The following IPCEF1 variants were observed in gnomAD, a reference collection of about 807,000 sequenced individuals.
IPCEF1 encodes interactor protein for cytohesin exchange factors 1.
In IPCEF1, 31 loss-of-function variants were observed where a neutral mutation model predicts 50.9. That is an observed-to-expected ratio of 0.61 (90% confidence interval 0.46 to 0.82). The LOEUF is 0.82. Among genes scored for constraint, IPCEF1 ranks in the 40% least tolerant of loss-of-function variants. The pLI is 0.00. For missense variants in IPCEF1, 458 were observed against 514.0 expected (o/e 0.89, Z 1.05); for synonymous variants, 181 against 192.0 (o/e 0.94, Z 0.47).
At chr6:154,180,442 G>A (rs1396385087) in intron 10 of IPCEF1, among the ~76,000 whole-genome samples, 23 of 144,578 alleles carry the variant, frequency 1.6e-4, no homozygotes, top group African/African-American at 4.2e-4. Flanking sequence ...ATCCTTCTTG[G>A]TGACATTAGC....
chr6:154,312,887 ATT>A (rs1783114477), intron 1 of IPCEF1, among the ~76,000 whole-genome samples: 1 of 151,640 alleles, frequency 6.6e-6, no homozygotes, highest in Non-Finnish European at 1.5e-5. Context: ...GTACAATTTT[ATT>A]TGTCAATTTA....
At chr6:154,188,979 A>G (rs1801625090) in intron 10 of IPCEF1, among the ~76,000 whole-genome samples, 1 of 152,238 alleles carries the variant, frequency 6.6e-6, no homozygotes, top group Non-Finnish European at 1.5e-5. Flanking sequence ...GATAATTTTA[A>G]TCACTTTAAA....
At chr6:154,172,561 CTGGGATGCTGGAG>C (rs1799961917) in intron 10 of IPCEF1, among the ~76,000 whole-genome samples, 4 of 152,354 alleles carry the variant, frequency 2.6e-5, no homozygotes, top group African/African-American at 9.6e-5. Flanking sequence ...TGAGATTGTC[CTGGGATGCTGGAG>C]CTTGGCAAGG....
intron 5 of IPCEF1, among the ~76,000 whole-genome samples, chr6:154,242,411 G>A (rs1000857523): frequency 6.6e-6 from 1 of 152,098 alleles, no homozygotes; most frequent in African/African-American, 2.4e-5. Flanking sequence ...CGTAAATGCC[G>A]AAGATTCTTA....
Position 154,159,779 on chromosome 6 carries a change from G to T in IPCEF1, c.*49C>A. ...AAAATGTAAGCTTTTGCAACATCTT[G>T]AAGAGTTGCTTGTGATAAAATATAA... On this transcript the variant is annotated 3_prime_UTR_variant, in exon 12 of 12. Coordinates refer to ENST00000367220, the MANE Select transcript of IPCEF1 (RefSeq NM_001130700.2). The T allele has an allele frequency of 7.0e-7, 1 of 1,418,648 alleles. No homozygotes were observed. Among genetic ancestry groups the T allele is most frequent in the Non-Finnish European group, 9.8e-7 (1 of 1,015,466 alleles). 87.9% of individuals were successfully genotyped at this position (1,418,648 alleles called of 1,614,324 possible).
intron 2 of IPCEF1, among the ~76,000 whole-genome samples, chr6:154,275,343 G>T (rs1321059997): frequency 6.6e-6 from 1 of 152,188 alleles, no homozygotes; most frequent in Non-Finnish European, 1.5e-5. Flanking sequence ...CCTAGACAAG[G>T]TATCAATTAT....
At chr6:154,288,881 T>A (rs1782442013) in intron 2 of IPCEF1, among the ~76,000 whole-genome samples, 1 of 151,826 alleles carries the variant, frequency 6.6e-6, no homozygotes, top group Non-Finnish European at 1.5e-5. Context: ...TTGGGCAACA[T>A]AACGAGACCC....
intron 5 of IPCEF1, among the ~76,000 whole-genome samples, chr6:154,231,863 A>G (rs1193353438): frequency 6.6e-6 from 1 of 152,202 alleles, no homozygotes; most frequent in Admixed American, 6.5e-5. Flanking sequence ...AAGAAAAGCA[A>G]TTCTCGAAAT....
intron 1 of IPCEF1, chr6:154,306,586 T>C (rs1782941979): frequency 6.6e-6 from 1 of 152,316 alleles, no homozygotes; most frequent in African/African-American, 2.4e-5. Context: ...GACACCCTGC[T>C]GTGAGAAAGT....
chr6:154,354,555 CACCATCGCCTCCACAACCACCTCT>C (rs1451056084), intron 1 of IPCEF1, among the ~76,000 whole-genome samples: 4 of 152,006 alleles, frequency 2.6e-5, no homozygotes, highest in Non-Finnish European at 5.9e-5. Flanking sequence ...TTACCACCTC[CACCATCGCCTCCACAACCACCTCT>C]ACCATCTCCA....
intron 3 of IPCEF1, among the ~76,000 whole-genome samples, chr6:154,249,729 C>G (rs1393128224): frequency 2.0e-5 from 3 of 152,032 alleles, no homozygotes; most frequent in South Asian, 2.1e-4. Context: ...TCCTTGTGAG[C>G]ACCCAGTGGG....
chr6:154,285,342 T>C (rs537650687), intron 2 of IPCEF1, among the ~76,000 whole-genome samples: 217 of 152,308 alleles, frequency 1.4e-3, no homozygotes, highest in African/African-American at 4.9e-3. Context: ...CTACATATAA[T>C]AAATGCAGAA....
intron 10 of IPCEF1, among the ~76,000 whole-genome samples, chr6:154,195,143 C>CT (rs1162086187): frequency 2.3e-4 from 31 of 133,548 alleles, no homozygotes; most frequent in African/African-American, 9.2e-4. Flanking sequence ...TTTTTCTTTT[C>CT]TTTCTTTTTT....
intron 11 of IPCEF1, among the ~76,000 whole-genome samples, chr6:154,161,178 C>T (rs1798984066): frequency 6.6e-6 from 1 of 151,920 alleles, no homozygotes; most frequent in African/African-American, 2.4e-5. Flanking sequence ...AGAACACTTT[C>T]CAGTCTTTCT....
intron 1 of IPCEF1, among the ~76,000 whole-genome samples, chr6:154,291,724 G>T (rs114598967): frequency 3.3e-5 from 4 of 122,458 alleles, no homozygotes; most frequent in South Asian, 2.6e-4. Context: ...TCGCACTCTC[G>T]TCCAGGCTGG....
chr6:154,240,811 G>A (rs986884429), intron 5 of IPCEF1, among the ~76,000 whole-genome samples: 3 of 152,172 alleles, frequency 2.0e-5, no homozygotes, highest in Admixed American at 1.3e-4. Flanking sequence ...TCACAATTCA[G>A]AAAGCAAAGG....
chr6:154,334,014 A>G (rs939362045), intron 1 of IPCEF1, among the ~76,000 whole-genome samples: 3 of 152,084 alleles, frequency 2.0e-5, no homozygotes, highest in Non-Finnish European at 4.4e-5. Context: ...GAAATGAGAA[A>G]AGCTGAAACA....
chr6:154,215,133 G>T (rs1350349179), intron 7 of IPCEF1, among the ~76,000 whole-genome samples: 2 of 152,122 alleles, frequency 1.3e-5, no homozygotes, highest in Non-Finnish European at 2.9e-5. Flanking sequence ...CTATGCTTTT[G>T]ATGTCTTCCA....
intron 5 of IPCEF1, among the ~76,000 whole-genome samples, chr6:154,236,500 T>C (rs563033947): frequency 2.0e-5 from 3 of 152,146 alleles, no homozygotes; most frequent in Admixed American, 1.3e-4. Flanking sequence ...AATAAGAAAT[T>C]AAGCAATGCC....
Sources: gnomAD v4.1 joint callset for allele counts (sites outside exome capture counted in the v4.1 genomes callset) on GRCh38, gnomAD v4.1.1 for gene constraint, MANE v1.5 for transcripts, NCBI Gene and HGNC (gene_info 2026-07-23, HGNC 2026-07-21) for gene names.